LPP: variants seen among roughly 807,000 people sequenced by gnomAD.
LPP encodes the protein LIM domain containing preferred translocation partner in lipoma.
A neutral mutation model predicts 60.4 loss-of-function variants in LPP; 38 were observed. The ratio of observed to expected loss-of-function variants is 0.63; its 90% CI spans 0.49 to 0.83. The LOEUF is 0.83. LPP is among the 40% of genes least tolerant of loss of function. The pLI, the probability that LPP is intolerant of heterozygous loss-of-function variation, is 0.00. For missense variants in LPP, 902 were observed against 783.6 expected (o/e 1.15, Z -1.80); for synonymous variants, 328 against 290.8 (o/e 1.13, Z -1.30).
At position 188,673,051 on chromosome 3, in the gene LPP, C is replaced by A. The variant is rs115217047; in HGVS notation, c.1114-35216C>A. Among the ~76,000 whole-genome samples the A allele has an allele frequency of 9.5e-3, 1,442 of 151,446 alleles. 10 individuals carry two copies. The highest frequency in any genetic ancestry group is 0.047 in the South Asian group (227 of 4,816). On this transcript the variant is annotated intron_variant, in intron 7 of 11. Coordinates refer to ENST00000617246, the MANE Select transcript of LPP (RefSeq NM_001375462.1). ...ATTTGGGCCATTAATGTGTGTGCAA[C>A]ATGGTCTGTCTGTTCCAGTAGAGAA...
rs149239382 is a variant in LPP at position 188,236,652 on chromosome 3, A to T, written c.-67+11125A>T. ...TTGGTTCCCAGTGCATATGAAATTT[A>T]TGTTTACACTATACTGTAGTCTCTT... On this transcript the variant is annotated intron_variant, in intron 2 of 11. Coordinates refer to ENST00000617246, the MANE Select transcript of LPP (RefSeq NM_001375462.1). Among the ~76,000 whole-genome samples the T allele has an allele frequency of 5.9e-3, 899 of 152,350 alleles. 11 individuals carry two copies. The highest frequency in any genetic ancestry group is 0.021 in the African/African-American group (865 of 41,564).
chr3:188,191,358 G>T (rs1281805614), intron 1 of LPP, among the ~76,000 whole-genome samples: 1 of 152,218 alleles, frequency 6.6e-6, no homozygotes, highest in Admixed American at 6.5e-5. Context: ...GTGCTTGGAG[G>T]AAACAACTGT....
intron 4 of LPP, among the ~76,000 whole-genome samples, chr3:188,436,254 A>C (rs944242072): frequency 2.6e-5 from 4 of 152,296 alleles, no homozygotes; most frequent in Middle Eastern, 3.4e-3. Flanking sequence ...TTCTGACCCA[A>C]GGGAGATAAG....
At chr3:188,611,249 T>C (rs11928230) in intron 7 of LPP, among the ~76,000 whole-genome samples, 17,460 of 152,158 alleles carry the variant, frequency 0.11, 1,028 homozygotes, top group African/African-American at 0.15. Flanking sequence ...GATAGATAGA[T>C]TCCAAATTAG....
At chr3:188,752,574 A>G (rs1326298638) in intron 8 of LPP, among the ~76,000 whole-genome samples, 1 of 152,056 alleles carries the variant, frequency 6.6e-6, no homozygotes, top group Non-Finnish European at 1.5e-5. Context: ...TTTTCCTGAG[A>G]GTGGAAGTTG....
chr3:188,403,330 A>G (rs940405284), intron 3 of LPP, among the ~76,000 whole-genome samples: 3 of 152,228 alleles, frequency 2.0e-5, no homozygotes, highest in Non-Finnish European at 2.9e-5. Context: ...TGGGATTACT[A>G]TGAAAAATGT....
intron 4 of LPP, among the ~76,000 whole-genome samples, chr3:188,427,552 A>C (rs1482715663): frequency 6.6e-6 from 1 of 151,986 alleles, no homozygotes; most frequent in Non-Finnish European, 1.5e-5. Flanking sequence ...CTGAATTTGA[A>C]TGTTGGCCTG....
chr3:188,630,161 AAACT>A (rs71634079), intron 7 of LPP, among the ~76,000 whole-genome samples: 54,897 of 151,718 alleles, frequency 0.36, 10,630 homozygotes, highest in East Asian at 0.76. Flanking sequence ...ACAGCAAAAC[AAACT>A]ATCAACAGAG....
At chr3:188,359,375 A>G (rs551800792) in intron 3 of LPP, among the ~76,000 whole-genome samples, 15 of 152,334 alleles carry the variant, frequency 9.8e-5, no homozygotes, top group African/African-American at 3.6e-4. Context: ...TAAAATGTGC[A>G]TACGGGTGAG....
At chr3:188,259,202 A>G (rs916904431) in intron 2 of LPP, among the ~76,000 whole-genome samples, 1 of 152,226 alleles carries the variant, frequency 6.6e-6, no homozygotes, top group African/African-American at 2.4e-5. Context: ...ACTATTGCAT[A>G]TAAAAGAATG....
chr3:188,495,064 T>TTATATATATATATATATATG (rs1192152538), intron 5 of LPP, among the ~76,000 whole-genome samples: 1 of 53,880 alleles, frequency 1.9e-5, no homozygotes, highest in Non-Finnish European at 3.3e-5. Context: ...GTTCAGGATT[T>TTATATATATATATATATATG]TATATATATA....
chr3:188,389,318 A>G (rs918879992), intron 3 of LPP, among the ~76,000 whole-genome samples: 2 of 152,204 alleles, frequency 1.3e-5, no homozygotes, highest in African/African-American at 4.8e-5. Flanking sequence ...TTGCTTCAGA[A>G]CTAGAACTTC....
At chr3:188,429,000 T>C (rs1790225712) in intron 4 of LPP, among the ~76,000 whole-genome samples, 1 of 152,070 alleles carries the variant, frequency 6.6e-6, no homozygotes, top group Non-Finnish European at 1.5e-5. Context: ...TTATAAATCC[T>C]AGGGAAAGGA....
intron 10 of LPP, among the ~76,000 whole-genome samples, chr3:188,867,474 G>A (rs1343599829): frequency 6.6e-6 from 1 of 151,962 alleles, no homozygotes; most frequent in Non-Finnish European, 1.5e-5. Flanking sequence ...CTCCCAAGGA[G>A]CTGAGACTAC....
chr3:188,701,944 C>CTTTTTTTTTTTTTTTT (rs35803152), intron 7 of LPP, among the ~76,000 whole-genome samples: 15 of 83,550 alleles, frequency 1.8e-4, no homozygotes, highest in Non-Finnish European at 2.7e-4. Flanking sequence ...GTTTTTTTCC[C>CTTTTTTTTTTTTTTTT]TTTTTTTTTT....
At position 188,199,119 on chromosome 3, in the gene LPP, G is replaced by A. The variant is rs1625516; in HGVS notation, c.-189-26286G>A. Among the ~76,000 whole-genome samples the A allele has an allele frequency of 8.1e-3, 1,236 of 152,234 alleles. 14 individuals carry two copies. The highest frequency in any genetic ancestry group is 0.028 in the African/African-American group (1,172 of 41,528). On this transcript the variant is annotated intron_variant, in intron 1 of 11. Transcript: ENST00000617246. ...ATCTGAGACGTTAACCAGGCCTGTT[G>A]GTCAGAATATCTACATGTGGTCTTT...
At chr3:188,778,155 T>C (rs902756786) in intron 9 of LPP, among the ~76,000 whole-genome samples, 1 of 152,200 alleles carries the variant, frequency 6.6e-6, no homozygotes, top group Non-Finnish European at 1.5e-5. Flanking sequence ...GAAGATGAAT[T>C]TCAGGTACAA....
At chr3:188,592,551 G>GTTTTTTTTTTTT (rs1553936326) in intron 6 of LPP, among the ~76,000 whole-genome samples, 33 of 98,182 alleles carry the variant, frequency 3.4e-4, no homozygotes, top group South Asian at 2.7e-3. Flanking sequence ...TTTTAGTTTT[G>GTTTTTTTTTTTT]TTTTTGTTTT....
intron 6 of LPP, among the ~76,000 whole-genome samples, chr3:188,534,979 A>G (rs1823175726): frequency 6.6e-6 from 1 of 152,236 alleles, no homozygotes; most frequent in Non-Finnish European, 1.5e-5. Flanking sequence ...ACAAAACTAT[A>G]GTTTATGTTG....
Sources: allele counts gnomAD v4.1 joint callset (sites outside exome capture counted in the v4.1 genomes callset), GRCh38; gene constraint gnomAD v4.1.1; transcripts MANE v1.5; gene names NCBI Gene and HGNC (gene_info 2026-07-23, HGNC 2026-07-21).